CRIM1: variants seen among roughly 807,000 people sequenced by gnomAD.
The protein encoded by CRIM1 is cysteine-rich motor neuron 1 protein.
CRIM1 carries 32 observed loss-of-function variants against 116.4 expected under a neutral mutation model. That is an observed-to-expected ratio of 0.27 (90% CI 0.21 to 0.37). The LOEUF (loss-of-function observed/expected upper bound fraction) is 0.37. Ranked by LOEUF, CRIM1 falls within the 10% of genes least tolerant of loss-of-function variation. The pLI, the probability that CRIM1 is intolerant of heterozygous loss-of-function variation, is 1.00. For synonymous variants in CRIM1, 590 were observed against 509.2 expected, an observed-to-expected ratio of 1.16 and a Z score of -2.13; for missense variants, 1,331 against 1,354.8, an observed-to-expected ratio of 0.98 and a Z score of 0.28.
chr2:36,481,041 A>G (rs191185651), intron 7 of CRIM1, among the ~76,000 whole-genome samples: 2 of 152,334 alleles, frequency 1.3e-5, no homozygotes, highest in East Asian at 3.9e-4. Flanking sequence ...TTAATTACGA[A>G]TATTTGGGAC....
intron 1 of CRIM1, among the ~76,000 whole-genome samples, chr2:36,364,121 A>AT (rs1430440584): frequency 1.3e-5 from 2 of 152,154 alleles, no homozygotes; most frequent in Non-Finnish European, 2.9e-5. Context: ...TGCTTCTGAA[A>AT]TTTTAGTGTG....
At chr2:36,456,211 G>A (rs951609242) in intron 4 of CRIM1, among the ~76,000 whole-genome samples, 1 of 152,102 alleles carries the variant, frequency 6.6e-6, no homozygotes, top group African/African-American at 2.4e-5. Context: ...ATATATAAAA[G>A]CTTCCCTAAA....
rs1224660625 is a variant in CRIM1, at chr2:36,420,492, G to C, written c.506-20766G>C. Among the ~76,000 whole-genome samples, 3 of 152,148 alleles carry C rather than the reference G, an allele frequency of 2.0e-5. No homozygotes were observed. The East Asian group carries it at 5.8e-4, about 29-fold the overall frequency. The stretch of plus-strand genomic sequence containing the variant: ...ACTGTTCAGTCCGTCAAGATTTAAT[G>C]ATCACCAGCGTTGTCCCAGGCACAG... On this transcript the variant is annotated intron_variant, in intron 2 of 16. Coordinates refer to ENST00000280527, the MANE Select transcript of CRIM1 (RefSeq NM_016441.3).
At chr2:36,490,519 T>C (rs935434931) in intron 7 of CRIM1, among the ~76,000 whole-genome samples, 5 of 152,096 alleles carry the variant, frequency 3.3e-5, no homozygotes, top group African/African-American at 4.8e-5. Context: ...TACTTGATCA[T>C]TGTGGCTTAG....
intron 14 of CRIM1, among the ~76,000 whole-genome samples, chr2:36,538,842 T>TA (rs1375317261): frequency 2.6e-5 from 4 of 152,208 alleles, no homozygotes; most frequent in Non-Finnish European, 5.9e-5. Flanking sequence ...CCACTGGAAT[T>TA]ATTTTATCTA....
At chr2:36,471,431 A>G (rs188639598) in intron 5 of CRIM1, among the ~76,000 whole-genome samples, 238 of 152,196 alleles carry the variant, frequency 1.6e-3, no homozygotes, top group African/African-American at 5.4e-3. Context: ...AGCCACCCCA[A>G]CCTTCAGCAA....
intron 8 of CRIM1, among the ~76,000 whole-genome samples, chr2:36,506,864 A>AT (rs201318543): frequency 2.9e-4 from 43 of 148,774 alleles, no homozygotes; most frequent in Admixed American, 1.6e-3. Flanking sequence ...TTATTTATTT[A>AT]TTTTTTTTTT....
chr2:36,452,185 G>A (rs533099713), intron 4 of CRIM1, among the ~76,000 whole-genome samples: 2 of 151,188 alleles, frequency 1.3e-5, no homozygotes, highest in Non-Finnish European at 1.5e-5. Flanking sequence ...TGTTGTTGTC[G>A]TTCCCTTTAA....
intron 1 of CRIM1, among the ~76,000 whole-genome samples, chr2:36,368,920 C>T (rs1041001172): frequency 5.9e-5 from 9 of 152,108 alleles, no homozygotes; most frequent in Non-Finnish European, 1.2e-4. Flanking sequence ...CTATGGCTTG[C>T]TCTTTCTTTC....
At chr2:36,390,795 G>C (rs1481427470) in intron 1 of CRIM1, among the ~76,000 whole-genome samples, 1 of 152,000 alleles carries the variant, frequency 6.6e-6, no homozygotes, top group Non-Finnish European at 1.5e-5. Context: ...GAGAAAACTT[G>C]CTCCTGATAC....
rs17038831 is a variant in CRIM1, at chr2:36,405,786, A to G, written c.505+8999A>G. Among the ~76,000 whole-genome samples the G allele has an allele frequency of 8.3e-3, 1,260 of 152,282 alleles. 46 individuals are homozygous for G. In the East Asian group the frequency reaches 0.09, roughly 11 times the overall value. Reference sequence around the variant, plus strand: ...ATATCTTATACATTGCTTTGCTTCAAATGTTAATACATGGTAATGATTTCA... The same window carrying G: ...ATATCTTATACATTGCTTTGCTTCAGATGTTAATACATGGTAATGATTTCA... On this transcript the variant is annotated intron_variant, in intron 2 of 16. Transcript: ENST00000280527.
intron 8 of CRIM1, among the ~76,000 whole-genome samples, chr2:36,505,113 C>T (rs1681298898): frequency 6.6e-6 from 1 of 152,170 alleles, no homozygotes; most frequent in African/African-American, 2.4e-5. Context: ...TAATTCTAAA[C>T]TAACACCTAT....
chr2:36,379,920 G>A (rs1013956971), intron 1 of CRIM1, among the ~76,000 whole-genome samples: 7 of 147,258 alleles, frequency 4.8e-5, no homozygotes, highest in African/African-American at 1.0e-4. Flanking sequence ...AAAAAAAAAA[G>A]GTATGTTTAT....
intron 1 of CRIM1, among the ~76,000 whole-genome samples, chr2:36,362,600 AC>A (rs1181906679): frequency 6.6e-6 from 1 of 152,044 alleles, no homozygotes; most frequent in African/African-American, 2.4e-5. Flanking sequence ...AGCTTCACCC[AC>A]CCTGCTGCTT....
chr2:36,495,148 G>A lies in CRIM1; in HGVS notation c.1373-4071G>A, dbSNP rs138123579. 2.3e-3 allele frequency among the ~76,000 whole-genome samples: 356 copies of A among 152,218 alleles called. 2 individuals are homozygous for A. Among genetic ancestry groups the A allele is most frequent in the African/African-American group, 8.0e-3 (331 of 41,550 alleles). On this transcript the variant is annotated intron_variant, in intron 7 of 16. Coordinates refer to ENST00000280527, the MANE Select transcript of CRIM1 (RefSeq NM_016441.3). ...ATCTTAGCAGGACCTCTGTTCAATT[G>A]AACTTTGTTTACGAAACACGCCAAA...
intron 11 of CRIM1, among the ~76,000 whole-genome samples, chr2:36,516,257 A>G (rs1173556385): frequency 6.6e-6 from 1 of 152,156 alleles, no homozygotes; most frequent in Non-Finnish European, 1.5e-5. Flanking sequence ...GCATCTCTGC[A>G]TATATGGGCC....
chr2:36,539,337 T>C (rs1666779746), intron 14 of CRIM1, among the ~76,000 whole-genome samples: 1 of 152,152 alleles, frequency 6.6e-6, no homozygotes, highest in Non-Finnish European at 1.5e-5. Context: ...TAGAGCAGTG[T>C]TCAAGGTGCA....
chr2:36,356,457 C>A lies in CRIM1; in HGVS notation c.165C>A (p.Ile55=). 3.1e-6 allele frequency: 5 copies of A among 1,612,470 alleles called. No individual in the cohort carries two copies. The highest frequency in any genetic ancestry group is 4.2e-6 in the Non-Finnish European group (5 of 1,179,786). ...CEEPRNCPGS[I]VQGVCGCCYT... ...AGCCCAGGAACTGCCCGGGGAGCAT[C>A]GTGCAGGGCGTCTGCGGCTGCTGCT... The change falls in exon 1 of 17, where the codon ATC becomes ATA. Residue 55 remains isoleucine, a synonymous_variant. Transcript: ENST00000280527. The surrounding 1 kb of genome is among the most constrained non-coding windows in gnomAD (Gnocchi z 4.3).
chr2:36,531,965 A>T (rs1465573145), intron 13 of CRIM1: 2 of 470,884 alleles, frequency 4.2e-6, no homozygotes, highest in Non-Finnish European at 8.8e-6. Flanking sequence ...CAGGTCCCTG[A>T]CGTAGTTGAC....
Sources: gnomAD v4.1 joint callset for allele counts (sites outside exome capture counted in the v4.1 genomes callset) on GRCh38, gnomAD v4.1.1 for gene constraint, Gnocchi (gnomAD v3.1) non-coding constraint, MANE v1.5 for transcripts, NCBI Gene and HGNC (gene_info 2026-07-23, HGNC 2026-07-21) for gene names.